Variants in RORA observed in about 807,000 individuals in gnomAD.
RORA encodes the protein nuclear receptor ROR-alpha.
In RORA, 7 loss-of-function variants were observed where a neutral mutation model predicts 69.5. The ratio of observed to expected loss-of-function variants is 0.10; its 90% CI spans 0.06 to 0.19. The LOEUF (loss-of-function observed/expected upper bound fraction) is 0.19, where lower values mean the gene tolerates loss of function less well. Among genes scored for constraint, RORA ranks in the 10% least tolerant of loss-of-function variants. The pLI, the probability that RORA is intolerant of heterozygous loss-of-function variation, is 1.00. For missense variants in RORA, 457 were observed against 663.0 expected (o/e 0.69, Z 3.41); for synonymous variants, 261 against 240.8 (o/e 1.08, Z -0.78).
intron 1 of RORA, among the ~76,000 whole-genome samples, chr15:61,180,774 A>C (rs1038265631): frequency 1.3e-5 from 2 of 152,178 alleles, no homozygotes; most frequent in Non-Finnish European, 2.9e-5. Flanking sequence ...CACCTAGCAC[A>C]CTGCCAAACA....
intron 1 of RORA, among the ~76,000 whole-genome samples, chr15:61,113,028 G>C (rs549514461): frequency 6.6e-6 from 1 of 152,342 alleles, no homozygotes; most frequent in Non-Finnish European, 1.5e-5. Flanking sequence ...AGAAAGCATT[G>C]GCTTGCCAGG....
intron 2 of RORA, among the ~76,000 whole-genome samples, chr15:60,605,581 G>A (rs1264110243): frequency 2.6e-5 from 4 of 152,116 alleles, no homozygotes; most frequent in South Asian, 2.1e-4. Context: ...ACAAAATTAC[G>A]ATGATCAGAT....
intron 1 of RORA, among the ~76,000 whole-genome samples, chr15:60,891,977 A>T (rs1053881905): frequency 6.6e-6 from 1 of 152,200 alleles, no homozygotes; most frequent in African/African-American, 2.4e-5. Flanking sequence ...CTCCAGAGGA[A>T]GATGACAAAG....
intron 2 of RORA, among the ~76,000 whole-genome samples, chr15:60,639,217 G>GTTTTTTT (rs2069895563): frequency 1.7e-5 from 1 of 59,828 alleles, no homozygotes; most frequent in Non-Finnish European, 2.8e-5. Flanking sequence ...GCAGGTTTTT[G>GTTTTTTT]TATTTTTTTT....
chr15:60,781,245 C>G (rs1002435392), intron 1 of RORA, among the ~76,000 whole-genome samples: 1 of 152,170 alleles, frequency 6.6e-6, no homozygotes, highest in Non-Finnish European at 1.5e-5. Flanking sequence ...AGAACAAACT[C>G]ATCTCTGGTG....
At chr15:60,906,867 A>C (rs1291557720) in intron 1 of RORA, among the ~76,000 whole-genome samples, 10 of 152,218 alleles carry the variant, frequency 6.6e-5, no homozygotes, top group Admixed American at 6.5e-4. Flanking sequence ...GGGGCTATAT[A>C]TTGAGCATTT....
chr15:60,860,448 T>G (rs1040431050), intron 1 of RORA, among the ~76,000 whole-genome samples: 4 of 152,186 alleles, frequency 2.6e-5, no homozygotes, highest in African/African-American at 9.7e-5. Context: ...CTTCTGAGAA[T>G]GAAGTGTATT....
chr15:60,568,367 C>T (rs1001334643), intron 2 of RORA, among the ~76,000 whole-genome samples: 9 of 152,212 alleles, frequency 5.9e-5, no homozygotes, highest in Admixed American at 2.0e-4. Flanking sequence ...ACTTCAGCAC[C>T]TCCATGAGGC....
At chr15:60,775,667 A>G (rs572800776) in intron 1 of RORA, among the ~76,000 whole-genome samples, 3 of 152,310 alleles carry the variant, frequency 2.0e-5, no homozygotes, top group South Asian at 2.1e-4. Flanking sequence ...CCTACCTTGG[A>G]ACAGATCTGA....
intron 1 of RORA, among the ~76,000 whole-genome samples, chr15:61,191,614 C>T (rs1210882625): frequency 6.6e-6 from 1 of 152,216 alleles, no homozygotes; most frequent in African/African-American, 2.4e-5. Context: ...TCCCCTCTAT[C>T]GTTCCTTCCA....
intron 1 of RORA, among the ~76,000 whole-genome samples, chr15:61,214,545 G>C (rs1029864663): frequency 2.0e-5 from 3 of 152,194 alleles, no homozygotes; most frequent in Non-Finnish European, 4.4e-5. Flanking sequence ...GTCTTTCTGA[G>C]GTTCTAGATT....
chr15:60,800,169 T>C (rs947110957), intron 1 of RORA, among the ~76,000 whole-genome samples: 2 of 152,238 alleles, frequency 1.3e-5, no homozygotes, highest in East Asian at 1.9e-4. Flanking sequence ...GCTTTTTTTT[T>C]CCTTCCTTGC....
In RORA at chr15:61,145,047, GAAGCCTTTTT is replaced by G. The variant is rs529131033; in HGVS notation, c.166+83996_166+84005del. ...TGATGGTATACGCCTCTATCTAAAAGAAGCCTTTTTTTGTTTCCATACTACTATATCTAAA... is the reference window on the plus strand; with the variant it reads ...TGATGGTATACGCCTCTATCTAAAAGTTGTTTCCATACTACTATATCTAAA... On this transcript the variant is annotated intron_variant, in intron 1 of 10. Coordinates refer to ENST00000335670, the MANE Select transcript of RORA (RefSeq NM_134261.3). Among the ~76,000 whole-genome samples, 19 of 152,232 alleles carry G rather than the reference GAAGCCTTTTT, an allele frequency of 1.2e-4. 1 individual carries two copies. The South Asian group carries it at 2.9e-3, about 23-fold the overall frequency.
intron 1 of RORA, among the ~76,000 whole-genome samples, chr15:60,913,334 T>C (rs1891782539): frequency 6.6e-6 from 1 of 152,220 alleles, no homozygotes; most frequent in South Asian, 2.1e-4. Flanking sequence ...CTCTGGTTTC[T>C]AGAGCCAGTA....
At position 61,055,719 on chromosome 15, in the gene RORA, T is replaced by G. The variant is rs969421980; in HGVS notation, c.166+173334A>C. The stretch of plus-strand genomic sequence containing the variant: ...TTATCACACATCAAAATTTCCCTCC[T>G]ATATTTTTAGAACCATTTCAGTGAA... On this transcript the variant is annotated intron_variant, in intron 1 of 10. Coordinates refer to ENST00000335670, the MANE Select transcript of RORA (RefSeq NM_134261.3). Among the ~76,000 whole-genome samples the G allele has an allele frequency of 4.6e-5, 7 of 152,252 alleles. No homozygotes were observed. In the East Asian group the frequency reaches 1.3e-3, roughly 29 times the overall value.
chr15:60,743,259 A>T (rs1188224631), intron 1 of RORA, among the ~76,000 whole-genome samples: 1 of 151,686 alleles, frequency 6.6e-6, no homozygotes, highest in Non-Finnish European at 1.5e-5. Flanking sequence ...AAGTGATCCG[A>T]CCGCCTCGGC....
chr15:60,648,374 A>G (rs748881429), intron 2 of RORA, among the ~76,000 whole-genome samples: 2 of 152,252 alleles, frequency 1.3e-5, no homozygotes, highest in Non-Finnish European at 2.9e-5. Flanking sequence ...ACAAAAAATA[A>G]TTCTGAAGAT....
intron 2 of RORA, among the ~76,000 whole-genome samples, chr15:60,636,217 C>T (rs115903518): frequency 0.017 from 2,637 of 152,298 alleles, 95 homozygotes; most frequent in African/African-American, 0.06. Context: ...TCTTCATCTA[C>T]TGTCTGTCCA....
chr15:61,028,975 G>C (rs961979268), intron 1 of RORA, among the ~76,000 whole-genome samples: 3 of 152,028 alleles, frequency 2.0e-5, no homozygotes, highest in African/African-American at 4.8e-5. Context: ...GGTATGATGG[G>C]GAGTGAGTGC....
Sources: allele counts gnomAD v4.1 joint callset (sites outside exome capture counted in the v4.1 genomes callset), GRCh38; gene constraint gnomAD v4.1.1; transcripts MANE v1.5; gene names NCBI Gene and HGNC (gene_info 2026-07-23, HGNC 2026-07-21).